CHIC2: variants seen among roughly 807,000 people sequenced by gnomAD.
CHIC2 encodes cysteine rich hydrophobic domain 2, also known as cysteine-rich hydrophobic domain-containing protein 2.
A neutral mutation model predicts 25.9 loss-of-function variants in CHIC2; 14 were observed. The observed-to-expected ratio is 0.54, with a 90% CI of 0.36 to 0.85. The LOEUF (loss-of-function observed/expected upper bound fraction) is 0.85, where lower values mean the gene tolerates loss of function less well. Ranked by LOEUF, CHIC2 falls within the 40% of genes least tolerant of loss-of-function variation. The probability of loss-of-function intolerance (pLI) is 0.01; values close to 1 mark genes in which losing one functional copy is unlikely to be tolerated. For synonymous variants in CHIC2, 70 were observed against 72.0 expected (o/e 0.97, Z 0.14); for missense variants, 146 against 202.0 (o/e 0.72, Z 1.68).
At chr4:54,041,447 A>G (rs1225473925) in intron 3 of CHIC2, among the ~76,000 whole-genome samples, 1 of 152,156 alleles carries the variant, frequency 6.6e-6, no homozygotes, top group African/African-American at 2.4e-5. Context: ...ACATCTTTTT[A>G]ACCACTAACT....
chr4:54,050,334 C>T (rs1040522511), intron 1 of CHIC2, among the ~76,000 whole-genome samples: 2 of 152,066 alleles, frequency 1.3e-5, no homozygotes, highest in African/African-American at 4.8e-5. Flanking sequence ...TTACTCATAT[C>T]CCACATACAT....
At chr4:54,046,667 T>C (rs1381765557) in intron 3 of CHIC2, among the ~76,000 whole-genome samples, 2 of 152,200 alleles carry the variant, frequency 1.3e-5, no homozygotes, top group East Asian at 3.8e-4. Flanking sequence ...ATTAAAGACT[T>C]ACATGTTAGA....
chr4:54,064,518 A>C lies in CHIC2; in HGVS notation c.-218T>G. 4 of 1,405,860 alleles carry C rather than the reference A, an allele frequency of 2.8e-6. No homozygotes were observed. The highest frequency in any genetic ancestry group is 3.7e-6 in the Non-Finnish European group (4 of 1,086,528). 87.1% of individuals were successfully genotyped at this position (1,405,860 alleles called of 1,614,324 possible). On this transcript the variant is annotated 5_prime_UTR_variant, in exon 1 of 6. Transcript: ENST00000263921. This position sits in a 1 kb window ranked among gnomAD's most constrained non-coding sequence, Gnocchi z 4.2. ...GCCATTACCATCAGCAATAACAACA[A>C]CACAATGTCAACATCCGCCCAGAGG...
intron 1 of CHIC2, among the ~76,000 whole-genome samples, chr4:54,057,064 T>C (rs1056782645): frequency 5.9e-5 from 9 of 152,162 alleles, no homozygotes; most frequent in Non-Finnish European, 1.2e-4. Flanking sequence ...AACCTCAGCC[T>C]ACACAAAGCT....
At chr4:54,068,619 C>T (rs1036666788), upstream of CHIC2, among the ~76,000 whole-genome samples, 4 of 152,186 alleles carry the variant, frequency 2.6e-5, no homozygotes, top group Admixed American at 6.5e-5. Flanking sequence ...ACTCAATGTG[C>T]TTTTTCCTAT....
the CHIC2 span, among the ~76,000 whole-genome samples, chr4:54,075,069 C>A: frequency 1.3e-5 from 2 of 152,100 alleles, no homozygotes; most frequent in African/African-American, 4.8e-5. Context: ...TGTGATTGTG[C>A]CACTGCACTC....
At chr4:54,087,268 G>A in the CHIC2 span, 1 of 596,822 alleles carries the variant, frequency 1.7e-6, no homozygotes, top group African/African-American at 1.9e-5. Flanking sequence ...ACGCATTTAA[G>A]AACAGAATGG....
intron 1 of CHIC2, among the ~76,000 whole-genome samples, chr4:54,049,637 G>A (rs543890739): frequency 6.6e-6 from 1 of 152,152 alleles, no homozygotes; most frequent in Non-Finnish European, 1.5e-5. Flanking sequence ...ATTTTAATGG[G>A]TGGGATAGCG....
intron 3 of CHIC2, among the ~76,000 whole-genome samples, chr4:54,030,339 G>C (rs1045354605): frequency 6.6e-6 from 1 of 151,832 alleles, no homozygotes; most frequent in Admixed American, 6.6e-5. Context: ...GTAACCCAGA[G>C]AGACCTCATT....
At chr4:54,055,303 G>A (rs1264535159) in intron 1 of CHIC2, among the ~76,000 whole-genome samples, 1 of 152,076 alleles carries the variant, frequency 6.6e-6, no homozygotes, top group Non-Finnish European at 1.5e-5. Context: ...AAGGCAGAAG[G>A]GAGACTGGCA....
upstream of CHIC2, among the ~76,000 whole-genome samples, chr4:54,065,901 G>A (rs1717508436): frequency 6.6e-6 from 1 of 152,162 alleles, no homozygotes; most frequent in South Asian, 2.1e-4. Context: ...AAAAATGAAG[G>A]AAAAATACAG....
chr4:54,084,668 A>T, the CHIC2 span, among the ~76,000 whole-genome samples: 130 of 152,276 alleles, frequency 8.5e-4, 1 homozygote, highest in East Asian at 0.019. Context: ...GGCTAAGCAC[A>T]GTGGCTTACA....
intron 5 of CHIC2, among the ~76,000 whole-genome samples, chr4:54,013,017 A>T (rs1313683668): frequency 6.6e-6 from 1 of 152,138 alleles, no homozygotes; most frequent in Non-Finnish European, 1.5e-5. Context: ...TTCCTCAGAA[A>T]TGTTGTAACA....
the CHIC2 span, among the ~76,000 whole-genome samples, chr4:54,090,717 T>C: frequency 6.6e-6 from 1 of 152,158 alleles, no homozygotes; most frequent in South Asian, 2.1e-4. Flanking sequence ...ATTATTTCCA[T>C]GGTCAGAGAG....
At chr4:54,053,556 CAA>C (rs59889546) in intron 1 of CHIC2, among the ~76,000 whole-genome samples, 68 of 73,942 alleles carry the variant, frequency 9.2e-4, no homozygotes, top group Non-Finnish European at 8.5e-4. Flanking sequence ...GACTCAGTCT[CAA>C]AAAAAAAAAA....
At chr4:54,014,331 G>A (rs1467606071) in intron 3 of CHIC2, among the ~76,000 whole-genome samples, 7 of 151,890 alleles carry the variant, frequency 4.6e-5, no homozygotes, top group Non-Finnish European at 1.0e-4. Flanking sequence ...TTTATCATAC[G>A]AATCTTTTTT....
upstream of CHIC2, among the ~76,000 whole-genome samples, chr4:54,067,520 T>C (rs1208828230): frequency 2.0e-5 from 3 of 152,140 alleles, no homozygotes; most frequent in African/African-American, 7.2e-5. Context: ...CCCCAATTTC[T>C]TCCTGGAGAT....
chr4:54,038,829 C>T (rs1298170118), intron 3 of CHIC2, among the ~76,000 whole-genome samples: 1 of 151,874 alleles, frequency 6.6e-6, no homozygotes, highest in Non-Finnish European at 1.5e-5. Flanking sequence ...CGAGACCAAC[C>T]TGGGCAACAC....
At chr4:54,075,282 ATG>A in the CHIC2 span, among the ~76,000 whole-genome samples, 1 of 152,244 alleles carries the variant, frequency 6.6e-6, no homozygotes, top group Non-Finnish European at 1.5e-5. Flanking sequence ...AAAGATATCA[ATG>A]TGTCCTTTGA....
Sources: allele counts gnomAD v4.1 joint callset (sites outside exome capture counted in the v4.1 genomes callset), GRCh38; gene constraint gnomAD v4.1.1; non-coding constraint Gnocchi (gnomAD v3.1); transcripts MANE v1.5; gene names NCBI Gene and HGNC (gene_info 2026-07-23, HGNC 2026-07-21).